CADM2: variants seen among roughly 807,000 people sequenced by gnomAD.
CADM2 encodes the protein immunoglobulin superfamily member 4D.
A neutral mutation model predicts 49.8 loss-of-function variants in CADM2; 12 were observed. The observed-to-expected ratio is 0.24, with a 90% CI of 0.15 to 0.39. CADM2 has a LOEUF of 0.39. CADM2 is among the 10% of genes least tolerant of loss of function. The probability of loss-of-function intolerance (pLI) is 1.00; values close to 1 mark genes in which losing one functional copy is unlikely to be tolerated. For synonymous variants in CADM2, 214 were observed against 175.4 expected (o/e 1.22, Z -1.74); for missense variants, 378 against 492.3 (o/e 0.77, Z 2.20).
intron 1 of CADM2, among the ~76,000 whole-genome samples, chr3:85,329,864 T>C (rs1367892668): frequency 1.3e-5 from 2 of 152,060 alleles, no homozygotes; most frequent in East Asian, 3.9e-4. Flanking sequence ...CACTTTTAGA[T>C]TGGCCTTTTT....
intron 1 of CADM2, among the ~76,000 whole-genome samples, chr3:84,976,172 A>G (rs1476019820): frequency 6.6e-6 from 1 of 151,814 alleles, no homozygotes; most frequent in African/African-American, 2.4e-5. Context: ...TTATGGGAAT[A>G]AAGTGTGAAC....
chr3:85,848,317 A>C (rs2074964718), intron 3 of CADM2, among the ~76,000 whole-genome samples: 1 of 152,110 alleles, frequency 6.6e-6, no homozygotes, highest in Non-Finnish European at 1.5e-5. Context: ...AAAGGACAAA[A>C]GGTTAGGGTG....
At chr3:85,631,242 AG>A (rs2064296665) in intron 1 of CADM2, among the ~76,000 whole-genome samples, 2 of 152,006 alleles carry the variant, frequency 1.3e-5, no homozygotes, top group African/African-American at 2.4e-5. Flanking sequence ...ACTCTCTCCA[AG>A]TCTTCTTCAT....
chr3:85,306,009 A>G (rs1663868989), intron 1 of CADM2, among the ~76,000 whole-genome samples: 1 of 151,660 alleles, frequency 6.6e-6, no homozygotes, highest in Admixed American at 6.6e-5. Context: ...CTTATACCCA[A>G]GATCTCCAAA....
intron 1 of CADM2, among the ~76,000 whole-genome samples, chr3:84,975,602 A>G (rs2031769401): frequency 6.6e-6 from 1 of 151,822 alleles, no homozygotes; most frequent in Non-Finnish European, 1.5e-5. Context: ...AAGGTAATTT[A>G]TATCCTTTAT....
At position 85,384,956 on chromosome 3, in the gene CADM2, G is replaced by A. The variant is rs190934056; in HGVS notation, c.62-341566G>A. Among the ~76,000 whole-genome samples the A allele has an allele frequency of 3.3e-5, 5 of 151,982 alleles. No homozygotes were observed. In the East Asian group the frequency reaches 9.7e-4, roughly 29 times the overall value. Reference sequence around the variant, plus strand: ...TTTATTTATTTATTTATTTTCTTGAGATGGAGTCTCACTGTGTGGCCCAGG... The same window carrying A: ...TTTATTTATTTATTTATTTTCTTGAAATGGAGTCTCACTGTGTGGCCCAGG... On this transcript the variant is annotated intron_variant, in intron 1 of 9. Transcript: ENST00000383699.
chr3:85,534,079 C>T (rs1016586983), intron 1 of CADM2, among the ~76,000 whole-genome samples: 2 of 152,052 alleles, frequency 1.3e-5, no homozygotes, highest in Non-Finnish European at 2.9e-5. Flanking sequence ...TTGATATTTT[C>T]CTTTTTGTAT....
At chr3:85,107,618 T>C (rs985284613) in intron 1 of CADM2, among the ~76,000 whole-genome samples, 5 of 144,788 alleles carry the variant, frequency 3.5e-5, no homozygotes, top group Non-Finnish European at 6.2e-5. Context: ...TTTTTCTTTC[T>C]TTCTTTCTTT....
chr3:85,000,595 T>C (rs559535495), intron 1 of CADM2, among the ~76,000 whole-genome samples: 1 of 152,214 alleles, frequency 6.6e-6, no homozygotes, highest in African/African-American at 2.4e-5. Context: ...TAGGAGAGTC[T>C]CAATGTTCAA....
intron 7 of CADM2, among the ~76,000 whole-genome samples, chr3:85,954,030 G>A (rs190186502): frequency 4.0e-5 from 6 of 150,882 alleles, no homozygotes; most frequent in Non-Finnish European, 7.4e-5. Context: ...ATTTTAAAAT[G>A]AGCCTAAATT....
chr3:85,931,668 A>G (rs916555354), intron 6 of CADM2, among the ~76,000 whole-genome samples: 1 of 152,186 alleles, frequency 6.6e-6, no homozygotes, highest in Non-Finnish European at 1.5e-5. Context: ...GATTTTAAAA[A>G]TACGTAAGAA....
At chr3:85,686,697 A>G (rs1180769785) in intron 1 of CADM2, among the ~76,000 whole-genome samples, 4 of 152,180 alleles carry the variant, frequency 2.6e-5, no homozygotes, top group African/African-American at 7.2e-5. Context: ...AGAAGAGTCA[A>G]CCTGGGAACT....
intron 8 of CADM2, among the ~76,000 whole-genome samples, chr3:85,977,646 G>A (rs1331252526): frequency 6.6e-6 from 1 of 151,554 alleles, no homozygotes; most frequent in African/African-American, 2.4e-5. Context: ...TAAACAAGAA[G>A]TATCTTTGTC....
At chr3:85,252,562 A>G (rs893467123) in intron 1 of CADM2, among the ~76,000 whole-genome samples, 13 of 152,040 alleles carry the variant, frequency 8.6e-5, no homozygotes, top group Non-Finnish European at 1.3e-4. Context: ...CATGGTGCAT[A>G]CTACATTTCA....
intron 3 of CADM2, among the ~76,000 whole-genome samples, chr3:85,845,332 T>C (rs1577459517): frequency 1.3e-5 from 2 of 152,166 alleles, no homozygotes; most frequent in East Asian, 3.9e-4. Context: ...TGGGCCAGAT[T>C]CAGTCAGGAG....
chr3:85,069,122 A>G (rs1358088445), intron 1 of CADM2, among the ~76,000 whole-genome samples: 1 of 152,054 alleles, frequency 6.6e-6, no homozygotes, highest in Non-Finnish European at 1.5e-5. Flanking sequence ...TTTCAGGACC[A>G]GTGCTTCTAA....
chr3:85,478,350 T>TA (rs2039068256), intron 1 of CADM2, among the ~76,000 whole-genome samples: 1 of 152,000 alleles, frequency 6.6e-6, no homozygotes, highest in Admixed American at 6.6e-5. Flanking sequence ...GCTGACCTGA[T>TA]ATGGAAAAAT....
At chr3:85,382,194 A>G (rs2033946177) in intron 1 of CADM2, among the ~76,000 whole-genome samples, 2 of 152,172 alleles carry the variant, frequency 1.3e-5, no homozygotes, top group African/African-American at 4.8e-5. Context: ...AAAAACATAA[A>G]CAGAATAAAT....
intron 1 of CADM2, among the ~76,000 whole-genome samples, chr3:84,994,579 G>T (rs574092599): frequency 2.0e-5 from 3 of 151,874 alleles, no homozygotes; most frequent in African/African-American, 7.2e-5. Context: ...TGCTTTTTTG[G>T]CTTAGTTGAG....
Sources: allele counts gnomAD v4.1 joint callset (sites outside exome capture counted in the v4.1 genomes callset), GRCh38; gene constraint gnomAD v4.1.1; transcripts MANE v1.5; gene names NCBI Gene and HGNC (gene_info 2026-07-23, HGNC 2026-07-21).